NAV1: variants seen among roughly 807,000 people sequenced by gnomAD.
NAV1 encodes pore membrane and/or filament interacting like protein 3.
Under a neutral mutation model 175.2 loss-of-function variants are expected in NAV1, and 18 were observed. That is an observed-to-expected ratio of 0.10 (90% CI 0.07 to 0.15). The LOEUF is 0.15. Among genes scored for constraint, NAV1 ranks in the 10% least tolerant of loss-of-function variants. The probability of loss-of-function intolerance (pLI) is 1.00; values close to 1 mark genes in which losing one functional copy is unlikely to be tolerated. For synonymous variants in NAV1, 897 were observed against 978.7 expected (o/e 0.92, Z 1.56); for missense variants, 1,731 against 2,436.6 (o/e 0.71, Z 6.10).
chr1:201,695,033 GC>G (rs1435744741), intron 1 of NAV1, among the ~76,000 whole-genome samples: 1 of 152,218 alleles, frequency 6.6e-6, no homozygotes, highest in Non-Finnish European at 1.5e-5. Context: ...GGCAGGGTTG[GC>G]CAGACCCTGA....
chr1:201,756,179 G>A (rs1258653651), intron 3 of NAV1, among the ~76,000 whole-genome samples: 1 of 150,482 alleles, frequency 6.6e-6, no homozygotes, highest in Non-Finnish European at 1.5e-5. Context: ...CCACTTAACA[G>A]TTTAATTACT....
At chr1:201,611,270 A>C (rs1489316900) in intron 2 of NAV1, among the ~76,000 whole-genome samples, 2 of 152,200 alleles carry the variant, frequency 1.3e-5, no homozygotes, top group African/African-American at 4.8e-5. Context: ...TGAAGCCTGA[A>C]GCCAGGGTCT....
At chr1:201,683,560 T>C (rs1571882112) in intron 1 of NAV1, among the ~76,000 whole-genome samples, 1 of 151,504 alleles carries the variant, frequency 6.6e-6, no homozygotes, top group Non-Finnish European at 1.5e-5. Context: ...GAGGTGGGGC[T>C]CAGGCGGTCA....
intron 1 of NAV1, among the ~76,000 whole-genome samples, chr1:201,567,428 G>C (rs1666389256): frequency 6.6e-6 from 1 of 152,236 alleles, no homozygotes. Flanking sequence ...AGGCTTGAGA[G>C]CTGCACTGGG....
chr1:201,809,775 C>CTT (rs1678574628), intron 22 of NAV1, among the ~76,000 whole-genome samples, 171 bp from the exon 27 acceptor site: 1 of 152,158 alleles, frequency 6.6e-6, no homozygotes, highest in Non-Finnish European at 1.5e-5. Flanking sequence ...ACCGTCCAGG[C>CTT]ACTGGGATCC....
chr1:201,667,377 C>A (rs1418527123), intron 1 of NAV1, among the ~76,000 whole-genome samples: 1 of 152,184 alleles, frequency 6.6e-6, no homozygotes, highest in Non-Finnish European at 1.5e-5. Flanking sequence ...AGCTGATGGT[C>A]TCCTACAGAC....
intron 1 of NAV1, among the ~76,000 whole-genome samples, chr1:201,696,822 A>G (rs943460574): frequency 1.3e-5 from 2 of 152,206 alleles, no homozygotes; most frequent in African/African-American, 4.8e-5. Flanking sequence ...TGAGCCAAAC[A>G]TCTATAAAAT....
At chr1:201,597,876 C>G (rs927771036) in intron 2 of NAV1, among the ~76,000 whole-genome samples, 1 of 152,234 alleles carries the variant, frequency 6.6e-6, no homozygotes, top group Non-Finnish European at 1.5e-5. Context: ...CATCTCCTGC[C>G]CAACTCCATT....
At chr1:201,647,937 C>G (rs112024703), upstream of NAV1, among the ~76,000 whole-genome samples, 3 of 152,208 alleles carry the variant, frequency 2.0e-5, 1 homozygote, top group African/African-American at 7.2e-5. Flanking sequence ...CCGTGCCCTC[C>G]GAGAATCCAA....
intron 1 of NAV1, among the ~76,000 whole-genome samples, chr1:201,556,990 G>A (rs770564809): frequency 7.2e-5 from 11 of 152,162 alleles, no homozygotes; most frequent in Non-Finnish European, 1.2e-4. Flanking sequence ...CCAGGGTCCC[G>A]GGAACCCTGA....
Position 201,794,765 on chromosome 1 carries a change from C to A in NAV1, c.3517+188C>A, listed in dbSNP as rs971110514. 1.6e-5 allele frequency: 10 copies of A among 607,484 alleles called. No homozygotes were observed. The African/African-American group carries it at 1.9e-4, about 11-fold the overall frequency. The allele number at this position is 607,484 out of a possible 1,614,324, so 37.6% of individuals were successfully genotyped here. A position where few individuals can be genotyped will look rare whatever the true frequency, so the allele number is the denominator to read the frequency against. On this transcript the variant is annotated intron_variant, in intron 15 of 29. Coordinates refer to ENST00000367296, the Ensembl canonical transcript of NAV1. ...AGTACCAGGGGCATGACCCCAGCTT[C>A]CTAGGGCATGAAGGCAAGTAGAGGA...
At chr1:201,664,060 A>T (rs1435665547) in intron 1 of NAV1, among the ~76,000 whole-genome samples, 1 of 152,136 alleles carries the variant, frequency 6.6e-6, no homozygotes, top group Non-Finnish European at 1.5e-5. Flanking sequence ...GGGTTCTGGG[A>T]GGGAAGATCC....
At chr1:201,756,809 CTTCT>C (rs534285799) in intron 3 of NAV1, among the ~76,000 whole-genome samples, 1,598 of 26,436 alleles carry the variant, frequency 0.06, 6 homozygotes, top group African/African-American at 0.11. Context: ...TCTTTCTTTC[CTTCT>C]TTCTTTCTTT....
At chr1:201,684,667 GT>G (rs1312896752) in intron 1 of NAV1, among the ~76,000 whole-genome samples, 1 of 151,600 alleles carries the variant, frequency 6.6e-6, no homozygotes, top group Non-Finnish European at 1.5e-5. Flanking sequence ...AGAGACAGGG[GT>G]TTCACCATGT....
intron 1 of NAV1, chr1:201,673,368 T>C (rs551582653): frequency 6.6e-6 from 1 of 152,332 alleles, no homozygotes; most frequent in African/African-American, 2.4e-5. Flanking sequence ...GCATAGTAGC[T>C]GGAGAGTGGT....
chr1:201,786,630 G>A, intron 9 of NAV1, 53 bp downstream of exon 13: 1 of 1,551,942 alleles, frequency 6.4e-7, no homozygotes, highest in Non-Finnish European at 8.7e-7. Flanking sequence ...GGGTCACCCT[G>A]CAGGGTGAGG....
intron 1 of NAV1, among the ~76,000 whole-genome samples, chr1:201,587,065 G>A (rs945067073): frequency 1.3e-5 from 2 of 151,882 alleles, no homozygotes; most frequent in Non-Finnish European, 2.9e-5. Flanking sequence ...ACAAAAATTA[G>A]CCAGGCGTGG....
intron 2 of NAV1, among the ~76,000 whole-genome samples, chr1:201,613,660 C>T (rs993742600): frequency 1.3e-5 from 2 of 152,138 alleles, no homozygotes. Context: ...GTCAGGAGTT[C>T]GAGACCAGCC....
chr1:201,654,212 T>G lies in NAV1; in HGVS notation c.757+4787T>G, dbSNP rs549605670. 4.6e-5 allele frequency among the ~76,000 whole-genome samples: 7 copies of G among 152,260 alleles called. No individual in the cohort carries two copies. In the East Asian group the frequency reaches 1.4e-3, roughly 29 times the overall value. On this transcript the variant is annotated intron_variant, in intron 1 of 29. Transcript: ENST00000367296. ...CTTAAGCCAACCCAGGGAGATACCCTTTACCATCCATCACTGATGGCTCTA... is the reference window on the plus strand; with the variant it reads ...CTTAAGCCAACCCAGGGAGATACCCGTTACCATCCATCACTGATGGCTCTA...
Sources: allele counts gnomAD v4.1 joint callset (sites outside exome capture counted in the v4.1 genomes callset), GRCh38; gene constraint gnomAD v4.1.1; transcripts MANE v1.5; gene names NCBI Gene and HGNC (gene_info 2026-07-23, HGNC 2026-07-21).